The following CTNNA3 variants were observed in gnomAD, a reference collection of about 807,000 sequenced individuals.
The protein encoded by CTNNA3 is catenin alpha-3.
Under a neutral mutation model 95.7 loss-of-function variants are expected in CTNNA3, and 76 were observed. The observed-to-expected ratio is 0.79, with a 90% CI of 0.66 to 0.96. CTNNA3 has a LOEUF of 0.96. Ranked by LOEUF, CTNNA3 falls within the 40% of genes least tolerant of loss-of-function variation. The pLI, the probability that CTNNA3 is intolerant of heterozygous loss-of-function variation, is 0.00. For synonymous variants in CTNNA3, 431 were observed against 374.4 expected, an observed-to-expected ratio of 1.15 and a Z score of -1.74; for missense variants, 1,191 against 1,089.8, an observed-to-expected ratio of 1.09 and a Z score of -1.31.
intron 11 of CTNNA3, among the ~76,000 whole-genome samples, chr10:66,503,801 T>A (rs1273890791): frequency 6.6e-6 from 1 of 152,150 alleles, no homozygotes; most frequent in Admixed American, 6.6e-5. Context: ...ACGTAGTCTC[T>A]AAAGAGAAAA....
At chr10:66,556,181 A>C (rs191512225) in intron 10 of CTNNA3, among the ~76,000 whole-genome samples, 10 of 152,188 alleles carry the variant, frequency 6.6e-5, no homozygotes, top group African/African-American at 2.4e-4. Flanking sequence ...CACACCTGTA[A>C]GGATGAATAT....
At chr10:66,535,670 T>C (rs979650288) in intron 10 of CTNNA3, among the ~76,000 whole-genome samples, 1 of 152,168 alleles carries the variant, frequency 6.6e-6, no homozygotes, top group Non-Finnish European at 1.5e-5. Context: ...TCAGACACTA[T>C]AGCTGCCTTC....
chr10:66,117,590 A>G (rs1484988207), intron 13 of CTNNA3, among the ~76,000 whole-genome samples: 1 of 152,174 alleles, frequency 6.6e-6, no homozygotes, highest in East Asian at 1.9e-4. Context: ...AGAGATCAAG[A>G]AACATTGCAG....
intron 5 of CTNNA3, among the ~76,000 whole-genome samples, chr10:67,520,648 A>G (rs1839955262): frequency 6.6e-6 from 1 of 152,160 alleles, no homozygotes; most frequent in African/African-American, 2.4e-5. Context: ...TTTTCATGTA[A>G]ATTAATGTGT....
chr10:67,107,654 G>C (rs1858714716), intron 7 of CTNNA3, among the ~76,000 whole-genome samples: 1 of 151,820 alleles, frequency 6.6e-6, no homozygotes, highest in Admixed American at 6.6e-5. Context: ...AATCATTTTT[G>C]ATTGCTACAT....
At chr10:67,577,680 A>G (rs924277855) in intron 3 of CTNNA3, among the ~76,000 whole-genome samples, 6 of 144,362 alleles carry the variant, frequency 4.2e-5, no homozygotes, top group Non-Finnish European at 5.9e-5. Flanking sequence ...GTGTGTGTGT[A>G]TGTGTATATA....
chr10:66,512,008 CTCTCTT>C (rs920110887), intron 11 of CTNNA3, among the ~76,000 whole-genome samples: 4 of 151,906 alleles, frequency 2.6e-5, no homozygotes, highest in African/African-American at 9.7e-5. Flanking sequence ...GTCTCTATCT[CTCTCTT>C]TAACTATAAT....
At chr10:67,013,561 C>T (rs145854719) in intron 7 of CTNNA3, among the ~76,000 whole-genome samples, 40 of 152,276 alleles carry the variant, frequency 2.6e-4, no homozygotes, top group Non-Finnish European at 4.4e-4. Flanking sequence ...TCGGCAAACA[C>T]AGTACTCCTA....
intron 7 of CTNNA3, among the ~76,000 whole-genome samples, chr10:66,916,690 G>A (rs1405458655): frequency 6.6e-6 from 1 of 152,120 alleles, no homozygotes; most frequent in African/African-American, 2.4e-5. Context: ...ACAGGCACCT[G>A]GAGACAAAGT....
intron 11 of CTNNA3, among the ~76,000 whole-genome samples, chr10:66,424,145 C>G (rs1184348128): frequency 6.6e-6 from 1 of 151,868 alleles, no homozygotes; most frequent in Non-Finnish European, 1.5e-5. Flanking sequence ...TATTTATGCA[C>G]TACTTTATTT....
chr10:66,913,256 A>AAAAAAAAAAG, intron 7 of CTNNA3, among the ~76,000 whole-genome samples: 1 of 149,806 alleles, frequency 6.7e-6, no homozygotes, highest in Non-Finnish European at 1.5e-5. Flanking sequence ...AAAAAAAAAA[A>AAAAAAAAAAG]AAAAAAAAAG....
chr10:66,527,240 G>T (rs1441734285), intron 10 of CTNNA3, among the ~76,000 whole-genome samples: 1 of 152,038 alleles, frequency 6.6e-6, no homozygotes, highest in Non-Finnish European at 1.5e-5. Flanking sequence ...AAATGCAAGG[G>T]TTTATTTCTG....
At chr10:66,857,483 G>A (rs4615913) in intron 7 of CTNNA3, among the ~76,000 whole-genome samples, 43,157 of 151,662 alleles carry the variant, frequency 0.28, 6,967 homozygotes, top group East Asian at 0.54. Context: ...CATTAAATCC[G>A]TAAATTGCTT....
At chr10:66,519,779 C>G (rs1425780245) in intron 11 of CTNNA3, among the ~76,000 whole-genome samples, 1 of 152,108 alleles carries the variant, frequency 6.6e-6, no homozygotes, top group South Asian at 2.1e-4. Flanking sequence ...GTGCTCTGAT[C>G]ACCTTGGGCA....
intron 9 of CTNNA3, among the ~76,000 whole-genome samples, chr10:66,747,851 T>C (rs1484690430): frequency 2.0e-5 from 3 of 152,138 alleles, no homozygotes; most frequent in Non-Finnish European, 4.4e-5. Context: ...TCATTTATCT[T>C]CCTCTTGCTT....
At chr10:65,958,145 C>T (rs2077770248) in intron 17 of CTNNA3, among the ~76,000 whole-genome samples, 1 of 152,126 alleles carries the variant, frequency 6.6e-6, no homozygotes, top group Admixed American at 6.5e-5. Flanking sequence ...GATCTTCAAT[C>T]ACTGATACCC....
chr10:67,580,315 C>T (rs1317675070), intron 3 of CTNNA3, among the ~76,000 whole-genome samples: 3 of 152,230 alleles, frequency 2.0e-5, no homozygotes, highest in Admixed American at 6.5e-5. Context: ...AATAAGGAAT[C>T]CTTTCCTCCT....
intron 1 of CTNNA3, among the ~76,000 whole-genome samples, chr10:67,670,366 A>G (rs191863193): frequency 1.3e-5 from 2 of 152,344 alleles, no homozygotes; most frequent in Admixed American, 1.3e-4. Context: ...AGAACAAAAG[A>G]AATATATGTA....
chr10:67,581,415 C>G (rs1280613901), intron 3 of CTNNA3, among the ~76,000 whole-genome samples: 6 of 152,204 alleles, frequency 3.9e-5, no homozygotes, highest in Admixed American at 3.9e-4. Context: ...AAGCCAACTT[C>G]ATCACGGTGG....
Sources: allele counts gnomAD v4.1 joint callset (sites outside exome capture counted in the v4.1 genomes callset), GRCh38; gene constraint gnomAD v4.1.1; transcripts MANE v1.5; gene names NCBI Gene and HGNC (gene_info 2026-07-23, HGNC 2026-07-21).